The following HERC1 variants were observed in gnomAD, a reference collection of about 807,000 sequenced individuals.
HERC1 encodes probable E3 ubiquitin-protein ligase HERC1.
In HERC1, 160 loss-of-function variants were observed where a neutral mutation model predicts 554.3. The observed-to-expected ratio is 0.29, with a 90% confidence interval of 0.25 to 0.33. The LOEUF (loss-of-function observed/expected upper bound fraction) is 0.33, where lower values mean the gene tolerates loss of function less well. Ranked by LOEUF, HERC1 falls within the 10% of genes least tolerant of loss-of-function variation. The pLI, the probability that HERC1 is intolerant of heterozygous loss-of-function variation, is 1.00. For synonymous variants in HERC1, 2,175 were observed against 2,131.7 expected (o/e 1.02, Z -0.56); for missense variants, 4,919 against 5,918.5 (o/e 0.83, Z 5.54).
At chr15:63,707,859 G>T (rs888332238) in intron 24 of HERC1, among the ~76,000 whole-genome samples, 1 of 150,416 alleles carries the variant, frequency 6.6e-6, no homozygotes, top group Non-Finnish European at 1.5e-5. Context: ...AACCCAGGAG[G>T]CGGAGGTTGC....
At chr15:63,712,494 T>C (rs1322135002) in intron 24 of HERC1, among the ~76,000 whole-genome samples, 2 of 152,222 alleles carry the variant, frequency 1.3e-5, no homozygotes, top group Non-Finnish European at 2.9e-5. Flanking sequence ...AGTTCACTTG[T>C]AGATAGGTTA....
At chr15:63,732,556 T>A (rs2074341462) in intron 14 of HERC1, among the ~76,000 whole-genome samples, 1 of 152,226 alleles carries the variant, frequency 6.6e-6, no homozygotes, top group Non-Finnish European at 1.5e-5. Context: ...GGGTCCACTG[T>A]CCTCTATCCT....
At position 63,655,959 on chromosome 15, in the gene HERC1, A is replaced by C; in HGVS notation, c.9871-4T>G. The C allele has an allele frequency of 1.9e-6, 3 of 1,608,552 alleles. No individual in the cohort carries two copies. Among genetic ancestry groups the C allele is most frequent in the Non-Finnish European group, 2.5e-6 (3 of 1,176,512 alleles). On this transcript the variant is annotated splice_region_variant and splice_polypyrimidine_tract_variant and intron_variant, in intron 49 of 77. Coordinates refer to ENST00000443617, the MANE Select transcript of HERC1 (RefSeq NM_003922.4). ...CTGTTGCAGCAGAAATCAAGTTCTG[A>C]AGAAGCAATTGGAAAAACAGACTTA...
intron 4 of HERC1, among the ~76,000 whole-genome samples, chr15:63,757,416 T>C (rs895682681): frequency 6.6e-5 from 10 of 151,886 alleles, no homozygotes; most frequent in African/African-American, 2.4e-4. Context: ...GCACGCGCCA[T>C]CATGCCCGGC....
At position 63,661,724 on chromosome 15, in the gene HERC1, G is replaced by A. The variant is rs116147545; in HGVS notation, c.9170+29C>T. On this transcript the variant is annotated intron_variant, in intron 45 of 77. Transcript: ENST00000443617. ...TTAAGGTATGAGGTATCTTCAGGAG[G>A]TCTGGATATCTACACAATTTCAAGG... The A allele has an allele frequency of 1.3e-3, 2,063 of 1,607,050 alleles. 27 individuals carry two copies. In the African/African-American group the frequency reaches 0.025, roughly 19 times the overall value.
At chr15:63,615,738 A>T (rs762055261) in intron 76 of HERC1, 30 bp downstream of exon 76, 6 of 1,547,250 alleles carry the variant, frequency 3.9e-6, no homozygotes, top group Non-Finnish European at 5.2e-6. Context: ...CCAAGCATTC[A>T]TGTGTACCTC....
intron 71 of HERC1, 189 bp downstream of exon 71, chr15:63,625,796 A>T: frequency 1.4e-6 from 1 of 690,728 alleles, no homozygotes. Flanking sequence ...CACTCTGTCC[A>T]GCAGCATCAT....
chr15:63,767,754 T>C (rs888734871), intron 2 of HERC1, among the ~76,000 whole-genome samples: 3 of 152,106 alleles, frequency 2.0e-5, no homozygotes, highest in Admixed American at 2.0e-4. Flanking sequence ...GAAATGTCAA[T>C]CACTTTGGAG....
At chr15:63,743,467 G>T (rs1266292010) in intron 12 of HERC1, among the ~76,000 whole-genome samples, 2 of 151,882 alleles carry the variant, frequency 1.3e-5, no homozygotes, top group African/African-American at 4.8e-5. Context: ...GTTTCACCAT[G>T]TTGGCTAGGA....
chr15:63,821,238 A>T (rs1426839714), intron 1 of HERC1, among the ~76,000 whole-genome samples: 2 of 152,038 alleles, frequency 1.3e-5, no homozygotes, highest in East Asian at 3.9e-4. Context: ...CCTAGGCAAC[A>T]GAGTGAGACC....
At chr15:63,681,424 T>G (rs1264307092) in intron 34 of HERC1, among the ~76,000 whole-genome samples, 2 of 152,164 alleles carry the variant, frequency 1.3e-5, no homozygotes, top group Non-Finnish European at 2.9e-5. Context: ...CTTGAACTCC[T>G]GGCCTCAAGC....
chr15:63,719,113 G>C (rs749781818), intron 19 of HERC1, among the ~76,000 whole-genome samples: 1 of 152,160 alleles, frequency 6.6e-6, no homozygotes, highest in Non-Finnish European at 1.5e-5. Context: ...TTATATTATT[G>C]TTAGGAGGAG....
At chr15:63,824,272 G>A (rs984437504) in intron 1 of HERC1, among the ~76,000 whole-genome samples, 9 of 152,110 alleles carry the variant, frequency 5.9e-5, no homozygotes, top group African/African-American at 2.2e-4. Context: ...AGTTGCTCAC[G>A]CCTATAATCC....
At chr15:63,687,743 A>G (rs1299787115) in intron 33 of HERC1, among the ~76,000 whole-genome samples, 2 of 152,246 alleles carry the variant, frequency 1.3e-5, no homozygotes, top group Admixed American at 1.3e-4. Context: ...TTGAAATTAA[A>G]GCAGGTGACA....
At chr15:63,668,513 G>C (rs963527511) in intron 40 of HERC1, among the ~76,000 whole-genome samples, 1 of 152,044 alleles carries the variant, frequency 6.6e-6, no homozygotes, top group Non-Finnish European at 1.5e-5. Context: ...AACAAAGCAA[G>C]ACCTAACTAC....
Position 63,678,036 on chromosome 15 carries a change from C to T in HERC1, c.6879G>A (p.Glu2293=), listed in dbSNP as rs1253672226. Residue 2293 remains glutamate, a synonymous_variant, in exon 37 of 78, where the codon GAG becomes GAA. Transcript: ENST00000443617. ...HTRHGLADLS[E]LQLRTLCIEV... is the part of the protein sequence containing the mutation. ...CTATGCAAAGAGTCCTCAGCTGCAG[C>T]TCTGAGAGGTCAGCGAGGCCATGCC... is the stretch of plus-strand genomic sequence containing the variant. The T allele has an allele frequency of 1.2e-6, 2 of 1,614,022 alleles. No individual in the cohort carries two copies. The highest frequency in any genetic ancestry group is 1.1e-5 in the South Asian group (1 of 91,080).
At chr15:63,676,966 C>T (rs1285389431) in intron 37 of HERC1, among the ~76,000 whole-genome samples, 2 of 151,986 alleles carry the variant, frequency 1.3e-5, no homozygotes, top group African/African-American at 2.4e-5. Flanking sequence ...GATGAGTATC[C>T]CTTATCCAAA....
rs573057123 is a variant in HERC1 at position 63,769,147 on chromosome 15, G to A, written c.931-4956C>T. Among the ~76,000 whole-genome samples the A allele has an allele frequency of 2.0e-4, 31 of 152,326 alleles. No homozygotes were observed. In the South Asian group the frequency reaches 6.4e-3, roughly 32 times the overall value. Reference sequence around the variant, plus strand: ...ACTCATTCTACACAGGCCGGGCACAGTGGTTCACGCCTGTAATCCCAGCAC... The same window carrying A: ...ACTCATTCTACACAGGCCGGGCACAATGGTTCACGCCTGTAATCCCAGCAC... On this transcript the variant is annotated intron_variant, in intron 2 of 77. Coordinates refer to ENST00000443617, the MANE Select transcript of HERC1 (RefSeq NM_003922.4).
At chr15:63,768,781 A>T (rs138855490) in intron 2 of HERC1, among the ~76,000 whole-genome samples, 53 of 152,352 alleles carry the variant, frequency 3.5e-4, no homozygotes, top group African/African-American at 1.3e-3. Context: ...TCTTACTGAA[A>T]GGGTCTCATC....
Sources: allele counts gnomAD v4.1 joint callset (sites outside exome capture counted in the v4.1 genomes callset), GRCh38; gene constraint gnomAD v4.1.1; transcripts MANE v1.5; gene names NCBI Gene and HGNC (gene_info 2026-07-23, HGNC 2026-07-21).